The following TAF2 variants were observed in gnomAD, a reference collection of about 807,000 sequenced individuals.
TAF2 encodes transcription initiation factor TFIID subunit 2.
Under a neutral mutation model 138.5 loss-of-function variants are expected in TAF2, and 61 were observed. That is an observed-to-expected ratio of 0.44 (90% CI 0.36 to 0.54). The LOEUF (loss-of-function observed/expected upper bound fraction) is 0.54. Ranked by LOEUF, TAF2 falls within the 20% of genes least tolerant of loss-of-function variation. TAF2 has a pLI of 0.00. For missense variants in TAF2, 1,090 were observed against 1,427.9 expected (o/e 0.76, Z 3.81); for synonymous variants, 475 against 469.9 (o/e 1.01, Z -0.14).
chr8:119,831,777 A>G (rs1341833740), intron 1 of TAF2, 46 bp from the exon 2 acceptor site: 1 of 1,257,444 alleles, frequency 8.0e-7, no homozygotes, highest in Non-Finnish European at 1.1e-6. Context: ...AATAATTTTT[A>G]TTATTAAATC....
At chr8:119,785,373 T>C in intron 14 of TAF2, 107 bp from the exon 15 acceptor site, 5 of 752,868 alleles carry the variant, frequency 6.6e-6, no homozygotes, top group Non-Finnish European at 1.1e-5. Context: ...CATTGAAAGC[T>C]ATCCTTAGGA....
At chr8:119,744,825 T>C in intron 23 of TAF2, 1 of 433,086 alleles carries the variant, frequency 2.3e-6, no homozygotes, top group South Asian at 1.7e-5. Flanking sequence ...TCAAAAAGAT[T>C]TACAAGAAGG....
At chr8:119,734,101 A>G (rs1409378410) in intron 25 of TAF2, among the ~76,000 whole-genome samples, 3 of 152,076 alleles carry the variant, frequency 2.0e-5, no homozygotes, top group Non-Finnish European at 4.4e-5. Flanking sequence ...TATACCCCCA[A>G]CAACGAATTA....
chr8:119,772,470 G>C (rs2131098801), intron 18 of TAF2, among the ~76,000 whole-genome samples: 1 of 152,284 alleles, frequency 6.6e-6, no homozygotes, highest in East Asian at 1.9e-4. Context: ...TAGGAGGGAA[G>C]CGAGGGTTGA....
intron 17 of TAF2, among the ~76,000 whole-genome samples, chr8:119,778,917 C>A (rs1443647543): frequency 2.0e-5 from 3 of 152,154 alleles, no homozygotes; most frequent in Non-Finnish European, 4.4e-5. Flanking sequence ...GGACTAGCCC[C>A]TCTTCTTACT....
At chr8:119,789,847 A>C in intron 11 of TAF2, 101 bp from the exon 12 acceptor site, 1 of 1,172,844 alleles carries the variant, frequency 8.5e-7, no homozygotes, top group Non-Finnish European at 1.2e-6. Context: ...CAATTATAGA[A>C]GACAATAATT....
At chr8:119,756,508 G>T (rs1488826000) in intron 21 of TAF2, among the ~76,000 whole-genome samples, 1 of 151,866 alleles carries the variant, frequency 6.6e-6, no homozygotes, top group African/African-American at 2.4e-5. Flanking sequence ...TACAATGACT[G>T]GTCAGTAAGT....
At chr8:119,747,883 G>A (rs1586308895) in intron 22 of TAF2, among the ~76,000 whole-genome samples, 2 of 152,172 alleles carry the variant, frequency 1.3e-5, no homozygotes, top group African/African-American at 4.8e-5. Flanking sequence ...CAGCACTCTG[G>A]GAGGCCGGGG....
chr8:119,748,084 A>C (rs1462485120), intron 22 of TAF2, among the ~76,000 whole-genome samples: 1 of 151,962 alleles, frequency 6.6e-6, no homozygotes, highest in Non-Finnish European at 1.5e-5. Context: ...AGATTGCACC[A>C]CTGCACTCGA....
rs747438897 is a variant in TAF2 at position 119,783,605 on chromosome 8, T to C, written c.1888A>G (p.Ile630Val). The C allele has an allele frequency of 1.2e-6, 2 of 1,614,166 alleles. No individual in the cohort carries two copies. The highest frequency in any genetic ancestry group is 2.2e-5 in the South Asian group (2 of 91,082). The change falls in exon 16 of 26, where the codon ATA becomes GTA. Residue 630 changes from isoleucine (I) to valine (V), a missense_variant. Physicochemically the swap from Ile to Val is conservative, Grantham distance 29. Around this residue, in one of 3 missense-constraint regions of TAF2, gnomAD observed 580 missense variants for 719.6 expected, o/e 0.81. Coordinates refer to ENST00000378164, the MANE Select transcript of TAF2 (RefSeq NM_003184.4). ...DADSPLLWIR[I>V]DPDMSVLRKV... is the part of the protein sequence containing the mutation. ...CTCAATACTGACATATCTGGGTCTA[T>C]CCTTATCCACAGCAAAGGGGAATCA...
intron 2 of TAF2, among the ~76,000 whole-genome samples, chr8:119,829,521 G>T (rs1030469619): frequency 1.3e-5 from 2 of 151,770 alleles, no homozygotes; most frequent in Non-Finnish European, 2.9e-5. Context: ...ATTAACTTGT[G>T]TGTGTGTGTG....
intron 18 of TAF2, among the ~76,000 whole-genome samples, chr8:119,763,095 C>T (rs1052756149): frequency 1.3e-5 from 2 of 152,120 alleles, no homozygotes; most frequent in African/African-American, 2.4e-5. Flanking sequence ...TTTGTGATAA[C>T]ACAAACTGCC....
intron 23 of TAF2, chr8:119,744,627 A>C (rs1819828114): frequency 3.8e-6 from 2 of 532,028 alleles, no homozygotes; most frequent in Non-Finnish European, 6.7e-6. Context: ...ACTAAAATCT[A>C]CTCCTATTTT....
chr8:119,782,010 A>G (rs1822698557), intron 16 of TAF2, among the ~76,000 whole-genome samples: 1 of 152,228 alleles, frequency 6.6e-6, no homozygotes, highest in Non-Finnish European at 1.5e-5. Context: ...ACATGTATTT[A>G]TAATTATTTT....
intron 18 of TAF2, among the ~76,000 whole-genome samples, chr8:119,770,068 T>TTG (rs1460527386): frequency 6.6e-6 from 1 of 151,524 alleles, no homozygotes; most frequent in Non-Finnish European, 1.5e-5. Flanking sequence ...CCAATTTTTT[T>TTG]TTTTTTAAAT....
rs971210914 is a variant in TAF2 at position 119,731,797 on chromosome 8, G to C, written c.*127C>G. 190 of 909,638 alleles carry C rather than the reference G, an allele frequency of 2.1e-4. 1 individual carries two copies. Among genetic ancestry groups the C allele is most frequent in the Non-Finnish European group, 3.2e-4 (179 of 557,496 alleles). 56.3% of individuals were successfully genotyped at this position (909,638 alleles called of 1,614,324 possible). ...TAAATCAAATGCTTAGAACTTAAATGAATTCAGAATTTCTGTAGGAGAGGC... is the reference window on the plus strand; with the variant it reads ...TAAATCAAATGCTTAGAACTTAAATCAATTCAGAATTTCTGTAGGAGAGGC... On this transcript the variant is annotated 3_prime_UTR_variant, in exon 26 of 26. Transcript: ENST00000378164.
At chr8:119,782,748 A>G (rs1822753637) in intron 16 of TAF2, among the ~76,000 whole-genome samples, 2 of 152,232 alleles carry the variant, frequency 1.3e-5, no homozygotes, top group African/African-American at 2.4e-5. Flanking sequence ...CTTTTCTAGA[A>G]TATTATAGTC....
intron 14 of TAF2, 45 bp downstream of exon 14, chr8:119,788,293 A>G: frequency 6.5e-7 from 1 of 1,526,854 alleles, no homozygotes; most frequent in Non-Finnish European, 9.1e-7. Context: ...AGTCTGTGAG[A>G]TTTGTAGTTT....
At chr8:119,811,630 C>T (rs889797343) in intron 3 of TAF2, among the ~76,000 whole-genome samples, 246 of 151,614 alleles carry the variant, frequency 1.6e-3, no homozygotes, top group Non-Finnish European at 1.5e-3. Flanking sequence ...CACGGTGAAA[C>T]CCCGTCTCTA....
Sources: gnomAD v4.1 joint callset for allele counts (sites outside exome capture counted in the v4.1 genomes callset) on GRCh38, gnomAD v4.1.1 for gene constraint, gnomAD v4.1.1 regional missense constraint, MANE v1.5 for transcripts, NCBI Gene and HGNC (gene_info 2026-07-23, HGNC 2026-07-21) for gene names.